HECW1: variants seen among roughly 807,000 people sequenced by gnomAD.
HECW1 encodes HECT, C2 and WW domain containing E3 ubiquitin protein ligase 1, also known as E3 ubiquitin-protein ligase HECW1.
HECW1 carries 61 observed loss-of-function variants against 182.3 expected under a neutral mutation model. The observed-to-expected ratio is 0.33, with a 90% CI of 0.27 to 0.41. The LOEUF (loss-of-function observed/expected upper bound fraction) is 0.41. Ranked by LOEUF, HECW1 falls within the 10% of genes least tolerant of loss-of-function variation. HECW1 has a pLI of 1.00. For missense variants in HECW1, 1,739 were observed against 2,108.9 expected (o/e 0.82, Z 3.44); for synonymous variants, 859 against 832.6 (o/e 1.03, Z -0.55).
At chr7:43,211,096 T>C (rs964589788) in intron 2 of HECW1, among the ~76,000 whole-genome samples, 4 of 152,178 alleles carry the variant, frequency 2.6e-5, no homozygotes, top group Non-Finnish European at 5.9e-5. Flanking sequence ...TTTTGCCTAA[T>C]TAGCATTTTA....
chr7:43,247,493 T>G (rs181830785), intron 3 of HECW1, among the ~76,000 whole-genome samples: 1 of 152,042 alleles, frequency 6.6e-6, no homozygotes, highest in Non-Finnish European at 1.5e-5. Context: ...AAAATAAAAT[T>G]TTAGCCAGGC....
At chr7:43,318,491 C>T (rs1442557317) in intron 4 of HECW1, among the ~76,000 whole-genome samples, 1 of 152,208 alleles carries the variant, frequency 6.6e-6, no homozygotes, top group Non-Finnish European at 1.5e-5. Context: ...TTTGCCCAGT[C>T]ATTTTTTTGC....
intron 2 of HECW1, among the ~76,000 whole-genome samples, chr7:43,117,570 C>T (rs572339022): frequency 1.2e-3 from 190 of 152,256 alleles, no homozygotes; most frequent in Non-Finnish European, 2.4e-3. Context: ...AATCTTTTAA[C>T]GATATTGTTT....
At chr7:43,402,150 G>T (rs558784117) in intron 7 of HECW1, among the ~76,000 whole-genome samples, 13 of 152,048 alleles carry the variant, frequency 8.5e-5, no homozygotes, top group African/African-American at 3.1e-4. Flanking sequence ...CCTTCAGGTC[G>T]GTGTGTGATC....
intron 5 of HECW1, among the ~76,000 whole-genome samples, chr7:43,341,861 G>C (rs769365544): frequency 2.6e-5 from 4 of 151,608 alleles, no homozygotes; most frequent in Non-Finnish European, 5.9e-5. Context: ...TTTTCTGTTA[G>C]AGCCATATAT....
chr7:43,399,249 C>T (rs1374798124), intron 7 of HECW1, among the ~76,000 whole-genome samples: 2 of 152,126 alleles, frequency 1.3e-5, no homozygotes, highest in African/African-American at 2.4e-5. Flanking sequence ...AAGTTAGTTG[C>T]GCCTGTTCCC....
At chr7:43,169,433 A>G (rs999486962) in intron 2 of HECW1, among the ~76,000 whole-genome samples, 1 of 152,102 alleles carries the variant, frequency 6.6e-6, no homozygotes, top group African/African-American at 2.4e-5. Flanking sequence ...ACAACCAAAA[A>G]TGTCTCCAGA....
intron 24 of HECW1, among the ~76,000 whole-genome samples, chr7:43,510,745 G>C (rs1489566444): frequency 6.6e-6 from 1 of 152,218 alleles, no homozygotes; most frequent in Non-Finnish European, 1.5e-5. Flanking sequence ...AGAGGAGACG[G>C]TGGCATAGGA....
chr7:43,334,620 T>A (rs1811902228), intron 5 of HECW1, among the ~76,000 whole-genome samples: 1 of 152,204 alleles, frequency 6.6e-6, no homozygotes, highest in Non-Finnish European at 1.5e-5. Flanking sequence ...GCCAGCTGTG[T>A]TACCTGAGGA....
In HECW1 at chr7:43,400,517, A is replaced by G. The variant is rs141930441; in HGVS notation, c.631+3628A>G. On this transcript the variant is annotated intron_variant, in intron 7 of 29. Coordinates refer to ENST00000395891, the MANE Select transcript of HECW1 (RefSeq NM_015052.5). The stretch of plus-strand genomic sequence containing the variant: ...ACCCTATTAAAAAGTCGAAGACTAT[A>G]ATACTCAAGAGAAAAAGAAACTATT... Among the ~76,000 whole-genome samples, 19 of 152,332 alleles carry G rather than the reference A, an allele frequency of 1.2e-4. No homozygotes were observed. In the East Asian group the frequency reaches 3.5e-3, roughly 28 times the overall value.
chr7:43,435,407 C>T (rs950615546), intron 8 of HECW1, among the ~76,000 whole-genome samples: 3 of 152,136 alleles, frequency 2.0e-5, no homozygotes, highest in Non-Finnish European at 2.9e-5. Flanking sequence ...TCAGTTTTCT[C>T]AGTACTGGGA....
intron 3 of HECW1, among the ~76,000 whole-genome samples, chr7:43,276,634 T>G (rs748681986): frequency 5.3e-5 from 8 of 152,214 alleles, no homozygotes; most frequent in Non-Finnish European, 8.8e-5. Context: ...GATGATACTA[T>G]TTATTTTTGC....
Position 43,445,250 on chromosome 7 carries a change from A to G in HECW1, c.2078A>G (p.Tyr693Cys), listed in dbSNP as rs1397678245. 1 of 1,612,414 alleles carries G rather than the reference A, an allele frequency of 6.2e-7. No homozygotes were observed. The highest frequency in any genetic ancestry group is 8.5e-7 in the Non-Finnish European group (1 of 1,178,828). The change falls in exon 11 of 30, where the codon TAC (tyrosine) becomes TGC (cysteine). Residue 693 changes from tyrosine to cysteine, a missense_variant. This residue lies in a region of HECW1 where 971 missense variants were observed against 1,029.1 expected (regional missense o/e 0.94). Transcript: ENST00000395891. ...YSSSCYSTSC[Y>C]SSSCYSASCY... Reference sequence around the variant, plus strand: ...TCCTCGTGCTACAGCACGTCCTGCTACAGCAGCTCGTGCTACAGCGCCTCG... The same window carrying G: ...TCCTCGTGCTACAGCACGTCCTGCTGCAGCAGCTCGTGCTACAGCGCCTCG...
intron 3 of HECW1, among the ~76,000 whole-genome samples, chr7:43,297,484 C>CA (rs1051702815): frequency 6.6e-6 from 1 of 152,138 alleles, no homozygotes; most frequent in Non-Finnish European, 1.5e-5. Flanking sequence ...GGATAGTACT[C>CA]AGAGTGGTAG....
chr7:43,125,785 G>A (rs1190021964), intron 2 of HECW1, among the ~76,000 whole-genome samples: 1 of 107,760 alleles, frequency 9.3e-6, no homozygotes, highest in African/African-American at 3.5e-5. Flanking sequence ...AAAAAAGAGT[G>A]AGGCATTAAT....
chr7:43,550,271 C>G (rs2081752503), intron 26 of HECW1, among the ~76,000 whole-genome samples, 174 bp from the exon 27 acceptor site: 1 of 152,156 alleles, frequency 6.6e-6, no homozygotes, highest in East Asian at 1.9e-4. Flanking sequence ...CTGCTTAGAA[C>G]AGCCAGAGCT....
Position 43,557,087 on chromosome 7 carries a change from C to CT in HECW1, c.4709+2298dup, listed in dbSNP as rs542329914. 5.8e-4 allele frequency among the ~76,000 whole-genome samples: 66 copies of CT among 114,550 alleles called. 1 individual carries two copies. The highest frequency in any genetic ancestry group is 1.4e-3 in the African/African-American group (50 of 35,948). The allele number at this position is 114,550 out of a possible 152,430, so 75.1% of individuals were successfully genotyped here. A position where few individuals can be genotyped will look rare whatever the true frequency, so the allele number is the denominator to read the frequency against. The stretch of plus-strand genomic sequence containing the variant: ...GGACAATGTCTGAAGATCAAAGAAC[C>CT]TAAAAAAATGTCATCTATGTGTGGA... On this transcript the variant is annotated intron_variant, in intron 29 of 29. Coordinates refer to ENST00000395891, the MANE Select transcript of HECW1 (RefSeq NM_015052.5).
intron 6 of HECW1, among the ~76,000 whole-genome samples, chr7:43,386,543 C>A (rs948913980): frequency 6.6e-6 from 1 of 152,226 alleles, no homozygotes; most frequent in South Asian, 2.1e-4. Flanking sequence ...CCTACATGAG[C>A]TGCCAACACT....
intron 24 of HECW1, among the ~76,000 whole-genome samples, chr7:43,538,812 A>G (rs777669692): frequency 3.1e-4 from 47 of 152,192 alleles, no homozygotes; most frequent in Non-Finnish European, 5.6e-4. Context: ...TCTGTTTCCA[A>G]TTTTTCATTT....
Sources: gnomAD v4.1 joint callset for allele counts (sites outside exome capture counted in the v4.1 genomes callset) on GRCh38, gnomAD v4.1.1 for gene constraint, gnomAD v4.1.1 regional missense constraint, MANE v1.5 for transcripts, NCBI Gene and HGNC (gene_info 2026-07-23, HGNC 2026-07-21) for gene names.